Variants in RNF125 observed in about 807,000 individuals in gnomAD.
The protein encoded by RNF125 is E3 ubiquitin-protein ligase RNF125.
In RNF125, 21 loss-of-function variants were observed where a neutral mutation model predicts 26.0. That is an observed-to-expected ratio of 0.81 (90% CI 0.57 to 1.16). The LOEUF (loss-of-function observed/expected upper bound fraction) is 1.16, where lower values mean the gene tolerates loss of function less well. RNF125 is among the 50% of genes most tolerant of loss of function. The pLI, the probability that RNF125 is intolerant of heterozygous loss-of-function variation, is 0.00. For synonymous variants in RNF125, 95 were observed against 109.2 expected (o/e 0.87, Z 0.81); for missense variants, 270 against 299.4 (o/e 0.90, Z 0.72).
chr18:32,087,467 T>A, the RNF125 span, among the ~76,000 whole-genome samples: 1 of 151,768 alleles, frequency 6.6e-6, no homozygotes, highest in South Asian at 2.1e-4. Context: ...ACCTGTGGGA[T>A]CTGACACTGT....
chr18:32,088,256 C>T, the RNF125 span, among the ~76,000 whole-genome samples: 2 of 152,162 alleles, frequency 1.3e-5, no homozygotes, highest in African/African-American at 2.4e-5. Flanking sequence ...CAACACTGCA[C>T]ATGGTAGCAA....
In RNF125 at chr18:32,066,008, T is replaced by C. The variant is rs1191536215; in HGVS notation, c.611T>C (p.Ile204Thr). 4 of 1,545,030 alleles carry C rather than the reference T, an allele frequency of 2.6e-6. No homozygotes were observed. The highest frequency in any genetic ancestry group is 3.4e-5 in the Admixed American group (2 of 59,698). ...CACACTTTGTTTTATGATGATTTCA[T>C]AGTAAGTATATTTTCTTATTTTTAC... ...VSHTLFYDDFIDFNIIEEALI... is the reference protein window; with the variant it reads ...VSHTLFYDDFTDFNIIEEALI... The change falls in exon 5 of 6, where the codon ATA (isoleucine) becomes ACA (threonine). Residue 204 changes from isoleucine (I) to threonine (T), a missense_variant and splice_region_variant. Transcript: ENST00000217740.
At chr18:32,053,111 C>T (rs970446593) in intron 4 of RNF125, among the ~76,000 whole-genome samples, 1 of 152,130 alleles carries the variant, frequency 6.6e-6, no homozygotes, top group East Asian at 1.9e-4. Context: ...GCCTGTAATC[C>T]CAGCCCTTCG....
At chr18:32,037,398 T>TTC (rs898454142) in intron 2 of RNF125, 129 bp downstream of exon 2, 1 of 509,026 alleles carries the variant, frequency 2.0e-6, no homozygotes, top group Non-Finnish European at 3.1e-6. Flanking sequence ...TTGAGACAGG[T>TTC]TCTCGCTCTT....
intron 4 of RNF125, among the ~76,000 whole-genome samples, chr18:32,056,621 CAAAAA>C (rs58384246): frequency 2.1e-5 from 2 of 95,288 alleles, no homozygotes; most frequent in Admixed American, 1.2e-4. Flanking sequence ...AACTCCGTCT[CAAAAA>C]AAAAAAAAAA....
chr18:32,032,346 A>G (rs1338528665), intron 1 of RNF125, among the ~76,000 whole-genome samples: 3 of 147,344 alleles, frequency 2.0e-5, no homozygotes, highest in African/African-American at 7.5e-5. Flanking sequence ...CCAAAGTGTT[A>G]GGTTTACAGG....
In RNF125 at chr18:32,068,435, G is replaced by C; in HGVS notation, c.*51G>C. 1 of 1,048,226 alleles carries C rather than the reference G, an allele frequency of 9.5e-7. No individual in the cohort carries two copies. Among genetic ancestry groups the C allele is most frequent in the Non-Finnish European group, 1.5e-6 (1 of 669,862 alleles). 64.9% of individuals were successfully genotyped at this position (1,048,226 alleles called of 1,614,324 possible). A position where few individuals can be genotyped will look rare whatever the true frequency, so the allele number is the denominator to read the frequency against. ...ACCACTGAATTGCACCATTTAAGAT[G>C]CTGCTTGAACAAATGGGAGGGAAGT... On this transcript the variant is annotated 3_prime_UTR_variant, in exon 6 of 6. Transcript: ENST00000217740.
intron 1 of RNF125, among the ~76,000 whole-genome samples, chr18:32,019,438 T>C (rs944759085): frequency 2.0e-5 from 3 of 152,162 alleles, no homozygotes; most frequent in African/African-American, 4.8e-5. Context: ...AAAGCGCAGT[T>C]ACCCCGCTGA....
At chr18:32,030,464 T>C (rs1046623515) in intron 1 of RNF125, among the ~76,000 whole-genome samples, 1 of 152,204 alleles carries the variant, frequency 6.6e-6, no homozygotes, top group African/African-American at 2.4e-5. Context: ...GTACATCAAA[T>C]TGGTGGTTTC....
At chr18:32,045,867 C>G (rs2039265290) in intron 4 of RNF125, 135 bp downstream of exon 4, 2 of 565,288 alleles carry the variant, frequency 3.5e-6, no homozygotes, top group South Asian at 4.5e-5. Context: ...AACTCTGTGA[C>G]TGTTTACAAT....
intron 4 of RNF125, among the ~76,000 whole-genome samples, chr18:32,048,081 A>T (rs1025114614): frequency 2.0e-5 from 3 of 151,690 alleles, no homozygotes; most frequent in Non-Finnish European, 4.4e-5. Context: ...GTGAACTGAG[A>T]TCGTGCCACT....
intron 4 of RNF125, among the ~76,000 whole-genome samples, chr18:32,048,257 CAA>C (rs56147477): frequency 0.41 from 48,760 of 117,532 alleles, 8,663 homozygotes; most frequent in South Asian, 0.49. Context: ...ACTAAAAATA[CAA>C]AAAAAAAAAA....
Position 32,070,671 on chromosome 18 carries a change from A to G in RNF125, c.*2287A>G, listed in dbSNP as rs893230152. The G allele has an allele frequency of 3.3e-5, 5 of 152,176 alleles. No homozygotes were observed. The highest frequency in any genetic ancestry group is 1.2e-4 in the African/African-American group (5 of 41,466). 9.4% of individuals were successfully genotyped at this position (152,176 alleles called of 1,614,324 possible). A position where few individuals can be genotyped will look rare whatever the true frequency, so the allele number is the denominator to read the frequency against. On this transcript the variant is annotated 3_prime_UTR_variant, in exon 6 of 6. Coordinates refer to ENST00000217740, the MANE Select transcript of RNF125 (RefSeq NM_017831.4). Reference sequence around the variant, plus strand: ...ATAATATGGCAATTGAAACAATTAAAAAGTTTTCATTTGCTTTTCTCATTC... The same window carrying G: ...ATAATATGGCAATTGAAACAATTAAGAAGTTTTCATTTGCTTTTCTCATTC...
the RNF125 span, among the ~76,000 whole-genome samples, chr18:32,087,455 C>T: frequency 6.6e-6 from 1 of 151,824 alleles, no homozygotes; most frequent in South Asian, 2.1e-4. Flanking sequence ...ACTGGGCCCC[C>T]AACCTGTGGG....
At chr18:32,043,434 A>G (rs2039239036) in intron 3 of RNF125, among the ~76,000 whole-genome samples, 4 of 152,266 alleles carry the variant, frequency 2.6e-5, no homozygotes, top group Admixed American at 2.6e-4. Flanking sequence ...CTAAAAGTCT[A>G]AACAATCACC....
At chr18:32,081,990 C>T in the RNF125 span, among the ~76,000 whole-genome samples, 1 of 152,264 alleles carries the variant, frequency 6.6e-6, no homozygotes, top group East Asian at 1.9e-4. Flanking sequence ...GATTCACTTC[C>T]TTTTCTGTAT....
chr18:32,078,230 A>C, the RNF125 span, among the ~76,000 whole-genome samples: 1 of 152,216 alleles, frequency 6.6e-6, no homozygotes, highest in Admixed American at 6.5e-5. Flanking sequence ...GTTGATAGTA[A>C]TATCTTACCT....
intron 1 of RNF125, among the ~76,000 whole-genome samples, chr18:32,032,666 A>G (rs765426547): frequency 2.0e-5 from 3 of 152,096 alleles, no homozygotes; most frequent in Admixed American, 6.6e-5. Flanking sequence ...CGCTTCTTCA[A>G]TGGACTACCA....
At chr18:32,066,884 C>A (rs1450739620) in intron 5 of RNF125, among the ~76,000 whole-genome samples, 1 of 152,174 alleles carries the variant, frequency 6.6e-6, no homozygotes, top group Non-Finnish European at 1.5e-5. Context: ...CTAAGCATGT[C>A]TTTTGTGGCC....
Sources: gnomAD v4.1 joint callset for allele counts (sites outside exome capture counted in the v4.1 genomes callset) on GRCh38, gnomAD v4.1.1 for gene constraint, MANE v1.5 for transcripts, NCBI Gene and HGNC (gene_info 2026-07-23, HGNC 2026-07-21) for gene names.